Variants in EYA4 observed in about 807,000 individuals in gnomAD.
EYA4 encodes the protein protein phosphatase EYA4.
EYA4 carries 31 observed loss-of-function variants against 87.9 expected under a neutral mutation model. The ratio of observed to expected loss-of-function variants is 0.35; its 90% CI spans 0.27 to 0.48. EYA4 has a LOEUF of 0.48. Among genes scored for constraint, EYA4 ranks in the 20% least tolerant of loss-of-function variants. The probability of loss-of-function intolerance (pLI) is 0.99; values close to 1 mark genes in which losing one functional copy is unlikely to be tolerated. For missense variants in EYA4, 678 were observed against 761.4 expected, an observed-to-expected ratio of 0.89 and a Z score of 1.29; for synonymous variants, 263 against 270.6, an observed-to-expected ratio of 0.97 and a Z score of 0.28.
At chr6:133,263,702 T>C (rs570272469) in intron 1 of EYA4, among the ~76,000 whole-genome samples, 7 of 152,338 alleles carry the variant, frequency 4.6e-5, no homozygotes, top group African/African-American at 1.7e-4. Context: ...CAAGATACGC[T>C]TCTGAAAATT....
chr6:133,278,151 T>C (rs975101246), intron 2 of EYA4, among the ~76,000 whole-genome samples: 4 of 152,182 alleles, frequency 2.6e-5, no homozygotes, highest in Non-Finnish European at 5.9e-5. Flanking sequence ...TCCCAGGTTC[T>C]CTGAGGTCTC....
At chr6:133,434,474 T>G (rs1263591992) in intron 3 of EYA4, among the ~76,000 whole-genome samples, 1 of 152,120 alleles carries the variant, frequency 6.6e-6, no homozygotes, top group Non-Finnish European at 1.5e-5. Flanking sequence ...TTTGGATACT[T>G]TTTTTTGTGT....
chr6:133,392,601 C>T (rs572233734), intron 3 of EYA4, among the ~76,000 whole-genome samples: 1 of 152,156 alleles, frequency 6.6e-6, no homozygotes, highest in Non-Finnish European at 1.5e-5. Flanking sequence ...GCATTACACA[C>T]TATTTTTTTC....
At chr6:133,320,777 G>A (rs1369061453) in intron 2 of EYA4, among the ~76,000 whole-genome samples, 1 of 152,132 alleles carries the variant, frequency 6.6e-6, no homozygotes, top group East Asian at 1.9e-4. Flanking sequence ...AAAACATGCC[G>A]TATTTGATTT....
At position 133,530,321 on chromosome 6, in the gene EYA4, T is replaced by C; in HGVS notation, c.*1516T>C. The stretch of plus-strand genomic sequence containing the variant: ...CATTCATTACAAGAAGAGCCCATCA[T>C]CGTTGTGTTTGCATGGTTTTTTTCC... On this transcript the variant is annotated 3_prime_UTR_variant, in exon 20 of 20. Transcript: ENST00000355286. 2.0e-6 allele frequency: 2 copies of C among 985,454 alleles called. No homozygotes were observed. Among genetic ancestry groups the C allele is most frequent in the Non-Finnish European group, 2.4e-6 (2 of 829,932 alleles). 61.0% of individuals were successfully genotyped at this position (985,454 alleles called of 1,614,324 possible).
intron 9 of EYA4, among the ~76,000 whole-genome samples, chr6:133,463,343 T>G (rs1794565274): frequency 6.6e-6 from 1 of 150,910 alleles, no homozygotes; most frequent in Non-Finnish European, 1.5e-5. Context: ...CCTATTAAAA[T>G]TGTGTTTTAT....
intron 1 of EYA4, among the ~76,000 whole-genome samples, chr6:133,242,814 C>T (rs964440529): frequency 2.0e-5 from 3 of 152,124 alleles, no homozygotes; most frequent in African/African-American, 4.8e-5. Context: ...GATAGTGTTT[C>T]CCTTCACCAC....
intron 3 of EYA4, among the ~76,000 whole-genome samples, chr6:133,430,194 TATGCAGCCA>T (rs1477834391): frequency 6.6e-6 from 1 of 152,330 alleles, no homozygotes; most frequent in Non-Finnish European, 1.5e-5. Flanking sequence ...CATGGAATAC[TATGCAGCCA>T]AAACATAATG....
Position 133,531,618 on chromosome 6 carries a change from T to C in EYA4, c.*2813T>C, listed in dbSNP as rs561779137. The C allele has an allele frequency of 1.3e-4, 24 of 185,958 alleles. No individual in the cohort carries two copies. Among genetic ancestry groups the C allele is most frequent in the African/African-American group, 5.4e-4 (23 of 42,774 alleles). The allele number at this position is 185,958 out of a possible 1,614,324, so 11.5% of individuals were successfully genotyped here. On this transcript the variant is annotated 3_prime_UTR_variant, in exon 20 of 20. Transcript: ENST00000355286. ...AATTTCCATAACAAAATAGGTGGCC[T>C]GGCTATGGTATTATAGCATACAATT... is the stretch of plus-strand genomic sequence containing the variant.
chr6:133,428,508 G>C (rs1412366383), intron 3 of EYA4, among the ~76,000 whole-genome samples: 1 of 152,170 alleles, frequency 6.6e-6, no homozygotes, highest in Non-Finnish European at 1.5e-5. Flanking sequence ...AAACAATACT[G>C]TAATTTATCT....
At chr6:133,355,139 T>C (rs1036480708) in intron 2 of EYA4, among the ~76,000 whole-genome samples, 4 of 152,206 alleles carry the variant, frequency 2.6e-5, no homozygotes, top group African/African-American at 7.2e-5. Context: ...GTTTGTTACA[T>C]AGGTAAACTT....
chr6:133,466,648 G>T (rs1432515920), intron 10 of EYA4, among the ~76,000 whole-genome samples: 1 of 152,028 alleles, frequency 6.6e-6, no homozygotes, highest in Non-Finnish European at 1.5e-5. Context: ...GCTTCTCTAT[G>T]GAAACCACAT....
At chr6:133,292,119 C>A (rs1778537193) in intron 2 of EYA4, among the ~76,000 whole-genome samples, 1 of 152,130 alleles carries the variant, frequency 6.6e-6, no homozygotes, top group Admixed American at 6.6e-5. Flanking sequence ...GAGGCCTTTC[C>A]AGAGTGCTTG....
chr6:133,452,723 C>CT (rs1291573114), intron 5 of EYA4: 3 of 152,044 alleles, frequency 2.0e-5, no homozygotes, highest in African/African-American at 7.2e-5. Flanking sequence ...CCATTTGACT[C>CT]TATCAGAAAC....
chr6:133,319,942 G>A (rs1780943754), intron 2 of EYA4, among the ~76,000 whole-genome samples: 1 of 151,682 alleles, frequency 6.6e-6, no homozygotes, highest in Admixed American at 6.6e-5. Flanking sequence ...TGAACTCCTG[G>A]GCTCAAGCAA....
In EYA4 at chr6:133,350,491, C is replaced by A. The variant is rs1158034405; in HGVS notation, c.34-31901C>A. Among the ~76,000 whole-genome samples, 2 of 151,986 alleles carry A rather than the reference C, an allele frequency of 1.3e-5. 1 individual carries two copies. The highest frequency in any genetic ancestry group is 4.2e-4 in the South Asian group (2 of 4,814). On this transcript the variant is annotated intron_variant, in intron 2 of 19. Transcript: ENST00000355286. ...CAGACCAGTTGGCAAGAAAGGCAAC[C>A]GTTCAAATATGTGGGCAGAGCTTCT...
intron 2 of EYA4, among the ~76,000 whole-genome samples, chr6:133,349,980 G>C (rs1345812618): frequency 6.6e-6 from 1 of 152,074 alleles, no homozygotes; most frequent in African/African-American, 2.4e-5. Flanking sequence ...AATGTCGTCA[G>C]AAAAGTTTGT....
At chr6:133,454,265 A>G (rs1793719756) in intron 5 of EYA4, among the ~76,000 whole-genome samples, 1 of 152,184 alleles carries the variant, frequency 6.6e-6, no homozygotes, top group Non-Finnish European at 1.5e-5. Flanking sequence ...GCTCTGATAA[A>G]CTGTTTCTTA....
At chr6:133,341,469 A>G (rs1339167102) in intron 2 of EYA4, among the ~76,000 whole-genome samples, 1 of 152,218 alleles carries the variant, frequency 6.6e-6, no homozygotes, top group Non-Finnish European at 1.5e-5. Context: ...AGAGATGTGG[A>G]TAAAACATTA....
Sources: gnomAD v4.1 joint callset for allele counts (sites outside exome capture counted in the v4.1 genomes callset) on GRCh38, gnomAD v4.1.1 for gene constraint, MANE v1.5 for transcripts, NCBI Gene and HGNC (gene_info 2026-07-23, HGNC 2026-07-21) for gene names.